The following SLC17A6 variants were observed in gnomAD, a reference collection of about 807,000 sequenced individuals.
SLC17A6 encodes the protein vesicular glutamate transporter 2.
SLC17A6 carries 35 observed loss-of-function variants against 67.1 expected under a neutral mutation model. The ratio of observed to expected loss-of-function variants is 0.52; its 90% CI spans 0.40 to 0.69. The LOEUF (loss-of-function observed/expected upper bound fraction) is 0.69, where lower values mean the gene tolerates loss of function less well. Among genes scored for constraint, SLC17A6 ranks in the 30% least tolerant of loss-of-function variants. The pLI, the probability that SLC17A6 is intolerant of heterozygous loss-of-function variation, is 0.00. For synonymous variants in SLC17A6, 285 were observed against 252.3 expected, an observed-to-expected ratio of 1.13 and a Z score of -1.23; for missense variants, 588 against 723.9, an observed-to-expected ratio of 0.81 and a Z score of 2.15.
At position 22,341,639 on chromosome 11, in the gene SLC17A6, C is replaced by A; in HGVS notation, c.198C>A (p.Gly66=). ...CGCTGTGCGACTGCACGTGCTTCGG[C>A]CTGCCCCGCCGCTACATTATCGCCA... ...KAPLCDCTCF[G]LPRRYIIAIM... is the part of the protein sequence containing the mutation. Residue 66 remains glycine, a synonymous_variant, in exon 2 of 12, where the codon GGC becomes GGA. Transcript: ENST00000263160. 2 of 1,613,826 alleles carry A rather than the reference C, an allele frequency of 1.2e-6. No individual in the cohort carries two copies. Among genetic ancestry groups the A allele is most frequent in the Non-Finnish European group, 1.7e-6 (2 of 1,179,988 alleles).
At chr11:22,342,115 T>C (rs1012964119) in intron 2 of SLC17A6, among the ~76,000 whole-genome samples, 8 of 152,260 alleles carry the variant, frequency 5.3e-5, no homozygotes, top group African/African-American at 1.9e-4. Flanking sequence ...GGATGAATAG[T>C]GTAGCATATT....
At chr11:22,341,442 C>A in intron 1 of SLC17A6, 86 bp from the exon 2 acceptor site, 3 of 1,540,418 alleles carry the variant, frequency 1.9e-6, no homozygotes, top group South Asian at 2.5e-5. Flanking sequence ...CTCCCAACCC[C>A]GACGGGTCCT....
Position 22,376,552 on chromosome 11 carries a change from T to C in SLC17A6, c.1293T>C (p.Asn431=). 1 of 1,613,956 alleles carries C rather than the reference T, an allele frequency of 6.2e-7. No individual in the cohort carries two copies. Among genetic ancestry groups the C allele is most frequent in the South Asian group, 1.1e-5 (1 of 91,076 alleles). The stretch of plus-strand genomic sequence containing the variant: ...CTTATGTGTGTATTTCAGGTTTCAA[T>C]GTTAACCACTTGGATATCGCTCCAA... The part of the protein sequence containing the change: ...GFSGFAISGF[N]VNHLDIAPRY... The change falls in exon 11 of 12, where the codon AAT becomes AAC. Residue 431 remains asparagine (N), a synonymous_variant. Transcript: ENST00000263160.
At chr11:22,338,751 G>A in intron 1 of SLC17A6, 132 bp downstream of exon 1, 1 of 676,870 alleles carries the variant, frequency 1.5e-6, no homozygotes, top group Non-Finnish European at 2.6e-6. Context: ...ATTGCTTGGA[G>A]CGGGGGTGCT....
intron 2 of SLC17A6, 43 bp from the exon 3 acceptor site, chr11:22,343,204 A>C: frequency 6.7e-7 from 1 of 1,503,270 alleles, no homozygotes; most frequent in Non-Finnish European, 9.3e-7. Context: ...TTTGGTACTG[A>C]CTCTACTCTT....
chr11:22,362,576 T>G (rs1268799144), intron 5 of SLC17A6, among the ~76,000 whole-genome samples, 163 bp from the exon 6 acceptor site: 2 of 152,142 alleles, frequency 1.3e-5, no homozygotes, highest in Non-Finnish European at 2.9e-5. Context: ...TGTGTACGTA[T>G]GTAGACATAT....
At chr11:22,351,895 A>G (rs533175603) in intron 3 of SLC17A6, among the ~76,000 whole-genome samples, 32 of 148,336 alleles carry the variant, frequency 2.2e-4, no homozygotes, top group Admixed American at 8.4e-4. Flanking sequence ...TAAAACTCAC[A>G]TGAACATTAA....
intron 3 of SLC17A6, among the ~76,000 whole-genome samples, chr11:22,350,216 A>G (rs915570970): frequency 6.6e-6 from 1 of 152,142 alleles, no homozygotes; most frequent in Admixed American, 6.6e-5. Flanking sequence ...GCCTTTCCAA[A>G]CATTTCTGTG....
chr11:22,378,682 A>C lies in SLC17A6; in HGVS notation c.*942A>C, dbSNP rs1336047065. 3 of 152,380 alleles carry C rather than the reference A, an allele frequency of 2.0e-5. No individual in the cohort carries two copies. Among genetic ancestry groups the C allele is most frequent in the Non-Finnish European group, 2.9e-5 (2 of 67,938 alleles). 9.4% of individuals were successfully genotyped at this position (152,380 alleles called of 1,614,324 possible). ...ATGGTTTAGATATCTTTCTTCCTTCATAATTAAATACTATATGAAACTTGT... is the reference window on the plus strand; with the variant it reads ...ATGGTTTAGATATCTTTCTTCCTTCCTAATTAAATACTATATGAAACTTGT... On this transcript the variant is annotated 3_prime_UTR_variant, in exon 12 of 12. Coordinates refer to ENST00000263160, the MANE Select transcript of SLC17A6 (RefSeq NM_020346.3).
chr11:22,374,424 C>T (rs1856208451), intron 8 of SLC17A6, among the ~76,000 whole-genome samples: 1 of 151,972 alleles, frequency 6.6e-6, no homozygotes, highest in Non-Finnish European at 1.5e-5. Flanking sequence ...CTCTCTCTCT[C>T]ACCACTTTTC....
intron 8 of SLC17A6, among the ~76,000 whole-genome samples, chr11:22,373,618 A>C (rs1002086725): frequency 1.3e-5 from 2 of 152,160 alleles, no homozygotes; most frequent in African/African-American, 4.8e-5. Context: ...CTCAGCATAA[A>C]GGCTAAGAGC....
chr11:22,374,099 A>G (rs1856204087), intron 8 of SLC17A6, among the ~76,000 whole-genome samples: 1 of 152,212 alleles, frequency 6.6e-6, no homozygotes, highest in African/African-American at 2.4e-5. Context: ...CTTTGTGTGT[A>G]AGTAATGGTA....
chr11:22,363,149 G>T (rs2133871264), intron 6 of SLC17A6, among the ~76,000 whole-genome samples: 2 of 151,300 alleles, frequency 1.3e-5, no homozygotes, highest in African/African-American at 4.9e-5. Flanking sequence ...GAGTTAGGCA[G>T]CAGTCACCTC....
At position 22,363,950 on chromosome 11, in the gene SLC17A6, C is replaced by T. The variant is rs1856080187; in HGVS notation, c.748+1125C>T. The stretch of plus-strand genomic sequence containing the variant: ...AAATACTATGTTTTGTGTCTTTGTC[C>T]ATTACTTAAGTGAAGATATGTGACC... On this transcript the variant is annotated intron_variant, in intron 6 of 11. Transcript: ENST00000263160. Among the ~76,000 whole-genome samples the T allele has an allele frequency of 2.6e-5, 4 of 152,006 alleles. No individual in the cohort carries two copies. The South Asian group carries it at 8.3e-4, about 31-fold the overall frequency.
chr11:22,343,445 A>G, intron 3 of SLC17A6, 80 bp downstream of exon 3: 1 of 1,257,294 alleles, frequency 8.0e-7, no homozygotes, highest in Non-Finnish European at 1.1e-6. Flanking sequence ...GAGCAGAGAC[A>G]ACAGCCCAGA....
chr11:22,348,767 C>T lies in SLC17A6; in HGVS notation c.458+5402C>T, dbSNP rs368157678. On this transcript the variant is annotated intron_variant, in intron 3 of 11. Transcript: ENST00000263160. ...CATGGCTTTAAAATTTACTAGTGTA[C>T]ATTTGTATTTATAAAAATAAATTTT... Among the ~76,000 whole-genome samples, 20 of 152,080 alleles carry T rather than the reference C, an allele frequency of 1.3e-4. No homozygotes were observed. In the East Asian group the frequency reaches 2.9e-3, roughly 22 times the overall value.
intron 6 of SLC17A6, among the ~76,000 whole-genome samples, chr11:22,364,463 A>G (rs775178396): frequency 6.6e-6 from 1 of 152,184 alleles, no homozygotes; most frequent in African/African-American, 2.4e-5. Flanking sequence ...TGGATCATAT[A>G]GCGAATAAAT....
chr11:22,374,116 T>G (rs1856204269), intron 8 of SLC17A6, among the ~76,000 whole-genome samples: 1 of 152,180 alleles, frequency 6.6e-6, no homozygotes, highest in Non-Finnish European at 1.5e-5. Flanking sequence ...GGTAAAAATA[T>G]GTGTTTAACT....
chr11:22,374,501 C>G (rs530207665), intron 8 of SLC17A6, among the ~76,000 whole-genome samples: 1 of 146,788 alleles, frequency 6.8e-6, no homozygotes, highest in Non-Finnish European at 1.5e-5. Flanking sequence ...GATTCATACT[C>G]AAAATTTACT....
Sources: allele counts gnomAD v4.1 joint callset (sites outside exome capture counted in the v4.1 genomes callset), GRCh38; gene constraint gnomAD v4.1.1; transcripts MANE v1.5; gene names NCBI Gene and HGNC (gene_info 2026-07-23, HGNC 2026-07-21).